Variants in ADK observed in about 807,000 individuals in gnomAD.
ADK encodes the protein N6,N6-dimethyladenosine kinase.
ADK carries 24 observed loss-of-function variants against 44.7 expected under a neutral mutation model. That is an observed-to-expected ratio of 0.54 (90% CI 0.39 to 0.76). ADK has a LOEUF of 0.76. ADK is among the 30% of genes least tolerant of loss of function. The pLI, the probability that ADK is intolerant of heterozygous loss-of-function variation, is 0.00. For synonymous variants in ADK, 128 were observed against 142.6 expected, an observed-to-expected ratio of 0.90 and a Z score of 0.73; for missense variants, 321 against 425.1, an observed-to-expected ratio of 0.76 and a Z score of 2.15.
chr10:74,184,838 G>C (rs1172233266), intron 1 of ADK, among the ~76,000 whole-genome samples: 1 of 152,108 alleles, frequency 6.6e-6, no homozygotes, highest in African/African-American at 2.4e-5. Flanking sequence ...ATTTGAACTA[G>C]GACCATAAGA....
chr10:74,430,863 G>T (rs191602156), intron 6 of ADK, among the ~76,000 whole-genome samples: 30 of 152,032 alleles, frequency 2.0e-4, no homozygotes, highest in Admixed American at 1.1e-3. Flanking sequence ...GTTTGAGACA[G>T]AGCAAGGCGG....
intron 6 of ADK, among the ~76,000 whole-genome samples, chr10:74,452,780 G>A (rs1002020268): frequency 2.0e-5 from 3 of 152,054 alleles, no homozygotes; most frequent in African/African-American, 7.2e-5. Flanking sequence ...TCGTGAACAA[G>A]TAATAAAACA....
chr10:74,637,981 G>A (rs1164215732), intron 9 of ADK, among the ~76,000 whole-genome samples: 2 of 152,170 alleles, frequency 1.3e-5, no homozygotes, highest in Non-Finnish European at 1.5e-5. Context: ...CGATAAAGAT[G>A]TTAGCAAAGG....
rs1843583259 is a variant in ADK at position 74,206,000 on chromosome 10, A to G, written c.140+5162A>G. On this transcript the variant is annotated intron_variant, in intron 2 of 10. Transcript: ENST00000539909. Reference sequence around the variant, plus strand: ...TTATATATCAAAGGCTGTAATAAACAGAAAATAAAATCAGTTGGACATGAA... The same window carrying G: ...TTATATATCAAAGGCTGTAATAAACGGAAAATAAAATCAGTTGGACATGAA... Among the ~76,000 whole-genome samples, 2 of 152,242 alleles carry G rather than the reference A, an allele frequency of 1.3e-5. 1 individual carries two copies. Among genetic ancestry groups the G allele is most frequent in the African/African-American group, 4.8e-5 (2 of 41,458 alleles).
intron 1 of ADK, among the ~76,000 whole-genome samples, chr10:74,174,896 C>G (rs1208392451): frequency 1.3e-5 from 2 of 152,186 alleles, no homozygotes; most frequent in Non-Finnish European, 2.9e-5. Context: ...AACTTGAAAT[C>G]TTCTGGAATA....
chr10:74,286,907 G>T (rs565855986), intron 3 of ADK, among the ~76,000 whole-genome samples: 1 of 151,808 alleles, frequency 6.6e-6, no homozygotes, highest in Non-Finnish European at 1.5e-5. Context: ...GGCTTGTCTC[G>T]AACCCCTGGG....
intron 3 of ADK, among the ~76,000 whole-genome samples, chr10:74,226,086 C>T (rs78343249): frequency 2.6e-5 from 4 of 152,018 alleles, no homozygotes; most frequent in East Asian, 1.9e-4. Flanking sequence ...TATAACTTGG[C>T]GAACTGATAC....
chr10:74,458,046 A>T (rs984057553), intron 6 of ADK, among the ~76,000 whole-genome samples: 5 of 151,982 alleles, frequency 3.3e-5, no homozygotes, highest in African/African-American at 1.2e-4. Flanking sequence ...TTTAAAAAGA[A>T]AAAGATTGGG....
At chr10:74,406,517 T>TAAGAAGAAG (rs1459658853) in intron 6 of ADK, among the ~76,000 whole-genome samples, 6 of 52,182 alleles carry the variant, frequency 1.1e-4, no homozygotes, top group Admixed American at 3.6e-4. Flanking sequence ...ATAATAATAA[T>TAAGAAGAAG]AATAATAATA....
At chr10:74,349,061 G>A (rs1225361254) in intron 4 of ADK, among the ~76,000 whole-genome samples, 4 of 151,782 alleles carry the variant, frequency 2.6e-5, no homozygotes, top group Non-Finnish European at 5.9e-5. Context: ...GAAATATGGA[G>A]AACACTGCAA....
chr10:74,168,718 T>G (rs1842093794), intron 1 of ADK, among the ~76,000 whole-genome samples: 1 of 151,244 alleles, frequency 6.6e-6, no homozygotes, highest in Admixed American at 6.6e-5. Flanking sequence ...GTTCAAGCGA[T>G]TCTCCTGCCT....
chr10:74,634,062 T>TAAAAA (rs1853534739), intron 9 of ADK, among the ~76,000 whole-genome samples: 1 of 152,160 alleles, frequency 6.6e-6, no homozygotes, highest in Admixed American at 6.5e-5. Flanking sequence ...TAAAAGAACT[T>TAAAAA]AATAAAGATG....
chr10:74,218,762 C>T (rs1336001941), intron 2 of ADK, among the ~76,000 whole-genome samples: 4 of 152,044 alleles, frequency 2.6e-5, no homozygotes, highest in Admixed American at 6.6e-5. Flanking sequence ...CATATCCAGC[C>T]GAACTAAGCT....
At chr10:74,672,422 T>G (rs553214486) in intron 10 of ADK, among the ~76,000 whole-genome samples, 60 of 152,220 alleles carry the variant, frequency 3.9e-4, no homozygotes, top group South Asian at 2.1e-4. Flanking sequence ...CATGGGCAGC[T>G]TCCTCACTTT....
chr10:74,306,865 C>CA (rs1478889597), intron 3 of ADK, among the ~76,000 whole-genome samples: 1 of 152,154 alleles, frequency 6.6e-6, no homozygotes, highest in Non-Finnish European at 1.5e-5. Context: ...CAGGTTAATG[C>CA]AGAGGTTTCT....
chr10:74,436,955 T>G (rs142759939), intron 6 of ADK, among the ~76,000 whole-genome samples: 1 of 152,014 alleles, frequency 6.6e-6, no homozygotes, highest in African/African-American at 2.4e-5. Flanking sequence ...ATTTTGCATA[T>G]AGAAAATCTT....
chr10:74,434,190 G>T (rs1258698061), intron 6 of ADK, among the ~76,000 whole-genome samples: 1 of 152,060 alleles, frequency 6.6e-6, no homozygotes. Context: ...AGTGAAGAAA[G>T]AAATTAGTAT....
intron 6 of ADK, among the ~76,000 whole-genome samples, chr10:74,496,735 C>T (rs1001878262): frequency 4.6e-5 from 7 of 152,214 alleles, no homozygotes; most frequent in African/African-American, 4.8e-5. Context: ...TCCCATAGTG[C>T]TAGGATTATA....
chr10:74,559,844 A>C (rs981696633), intron 7 of ADK, among the ~76,000 whole-genome samples: 10 of 150,354 alleles, frequency 6.7e-5, no homozygotes, highest in Admixed American at 5.3e-4. Context: ...TTTCCAACTA[A>C]GTTTTTTCAT....
Sources: allele counts gnomAD v4.1 joint callset (sites outside exome capture counted in the v4.1 genomes callset), GRCh38; gene constraint gnomAD v4.1.1; transcripts MANE v1.5; gene names NCBI Gene and HGNC (gene_info 2026-07-23, HGNC 2026-07-21).